The following SOS1 variants were observed in gnomAD, a reference collection of about 807,000 sequenced individuals.
SOS1 encodes son of sevenless homolog 1.
Under a neutral mutation model 157.6 loss-of-function variants are expected in SOS1, and 25 were observed. The ratio of observed to expected loss-of-function variants is 0.16; its 90% CI spans 0.12 to 0.22. The LOEUF is 0.22. SOS1 is among the 10% of genes least tolerant of loss of function. The pLI is 1.00. For missense variants in SOS1, 1,237 were observed against 1,599.1 expected (o/e 0.77, Z 3.86); for synonymous variants, 528 against 534.0 (o/e 0.99, Z 0.16).
intron 1 of SOS1, among the ~76,000 whole-genome samples, chr2:39,081,166 C>T (rs768098752): frequency 1.9e-4 from 29 of 151,938 alleles, no homozygotes; most frequent in Non-Finnish European, 3.4e-4. Flanking sequence ...GTCTCAAAAA[C>T]AAGAACAAAA....
intron 8 of SOS1, among the ~76,000 whole-genome samples, chr2:39,033,353 G>C (rs1558479604): frequency 1.3e-5 from 2 of 151,942 alleles, no homozygotes. Flanking sequence ...TAAATCAGTA[G>C]AAATCTTAAA....
At chr2:38,989,129 G>C in intron 21 of SOS1, 141 bp downstream of exon 21, 4 of 646,796 alleles carry the variant, frequency 6.2e-6, no homozygotes, top group Non-Finnish European at 8.6e-6. Context: ...GATAGCACAA[G>C]TGAAGGCCTC....
At chr2:39,049,067 AC>A (rs774289505) in intron 6 of SOS1, among the ~76,000 whole-genome samples, 1 of 151,916 alleles carries the variant, frequency 6.6e-6, no homozygotes, top group Non-Finnish European at 1.5e-5. Flanking sequence ...ACAGACATGT[AC>A]CACCACGCCC....
At chr2:39,123,808 T>C (rs1333757002), upstream of SOS1, among the ~76,000 whole-genome samples, 1 of 152,182 alleles carries the variant, frequency 6.6e-6, no homozygotes, top group Non-Finnish European at 1.5e-5. Context: ...ATCAACGTTG[T>C]TTCCAGAAAA....
chr2:39,102,204 C>CGAAAAAA (rs1672993966), intron 1 of SOS1, among the ~76,000 whole-genome samples: 1 of 23,752 alleles, frequency 4.2e-5, no homozygotes. Context: ...GACTCTGTCT[C>CGAAAAAA]AAAAAAAAAA....
rs1668468221 is a variant in SOS1 at position 38,983,762 on chromosome 2, C to CT, written c.*2061dup. ...AAAGTCCAGGGAGATTCTGGACTGT[C>CT]TATCATGATTAGTTGTAGCGGCTCT... is the stretch of plus-strand genomic sequence containing the variant. On this transcript the variant is annotated 3_prime_UTR_variant, in exon 23 of 23. Coordinates refer to ENST00000402219, the MANE Select transcript of SOS1 (RefSeq NM_005633.4). 6.6e-6 allele frequency: 1 copy of CT among 152,130 alleles called. No individual in the cohort carries two copies. The highest frequency in any genetic ancestry group is 2.4e-5 in the African/African-American group (1 of 41,438). 9.4% of individuals were successfully genotyped at this position (152,130 alleles called of 1,614,324 possible).
rs1391465848 is a variant in SOS1 at position 39,043,429 on chromosome 2, TCA to T, written c.864+7713_864+7714del. On this transcript the variant is annotated intron_variant, in intron 6 of 22. Coordinates refer to ENST00000402219, the MANE Select transcript of SOS1 (RefSeq NM_005633.4). ...TCGTTATGTAGTTTTGATAATGTAT[TCA>T]TACAATCCTGATAAACTTGTTACCC... Among the ~76,000 whole-genome samples, 16 of 152,348 alleles carry T rather than the reference TCA, an allele frequency of 1.1e-4. No individual in the cohort carries two copies. The East Asian group carries it at 2.9e-3, about 28-fold the overall frequency.
Position 39,022,762 on chromosome 2 carries a change from C to T in SOS1, c.1666G>A (p.Val556Ile), listed in dbSNP as rs753909912. Residue 556 changes from valine to isoleucine, a missense_variant, in exon 10 of 23, where the codon GTA becomes ATA. Transcript: ENST00000402219. ...TCTTTCTCTTCCTGTAGCATTGTTACATCAAGCATCCTTTCCAGTGTACTC... is the reference window on the plus strand; with the variant it reads ...TCTTTCTCTTCCTGTAGCATTGTTATATCAAGCATCCTTTCCAGTGTACTC... ...YRSTLERMLD[V>I]TMLQEEKEEQ... 11 of 1,613,746 alleles carry T rather than the reference C, an allele frequency of 6.8e-6. No individual in the cohort carries two copies. Among genetic ancestry groups the T allele is most frequent in the South Asian group, 3.3e-5 (3 of 91,082 alleles).
chr2:39,087,549 T>C (rs1392701084), intron 1 of SOS1, among the ~76,000 whole-genome samples: 1 of 152,248 alleles, frequency 6.6e-6, no homozygotes, highest in East Asian at 1.9e-4. Context: ...CATCTGACTT[T>C]ATCTGTATGA....
In SOS1 at chr2:39,111,899, T is replaced by C. The variant is rs539309260; in HGVS notation, c.87+8437A>G. ...CACACACCACCACATCCAGATAATTTTTGTATTTTTGGTAGAAGTGAGGTT... is the reference window on the plus strand; with the variant it reads ...CACACACCACCACATCCAGATAATTCTTGTATTTTTGGTAGAAGTGAGGTT... On this transcript the variant is annotated intron_variant, in intron 1 of 22. Coordinates refer to ENST00000402219, the MANE Select transcript of SOS1 (RefSeq NM_005633.4). Among the ~76,000 whole-genome samples, 11 of 152,220 alleles carry C rather than the reference T, an allele frequency of 7.2e-5. No homozygotes were observed. In the South Asian group the frequency reaches 2.3e-3, roughly 32 times the overall value.
At chr2:39,086,969 C>T (rs1672399281) in intron 1 of SOS1, among the ~76,000 whole-genome samples, 1 of 152,104 alleles carries the variant, frequency 6.6e-6, no homozygotes, top group Admixed American at 6.5e-5. Flanking sequence ...CCCACCACCA[C>T]ATCTGGCTAA....
intron 10 of SOS1, 70 bp from the exon 11 acceptor site, chr2:39,014,916 TTTCAAAATAG>T: frequency 3.3e-6 from 3 of 901,258 alleles, no homozygotes; most frequent in Non-Finnish European, 5.5e-6. Flanking sequence ...TTATGTACAT[TTTCAAAATAG>T]ATCAAATAGT....
chr2:39,028,301 G>A (rs919053088), intron 8 of SOS1, among the ~76,000 whole-genome samples: 4 of 152,142 alleles, frequency 2.6e-5, no homozygotes, highest in African/African-American at 4.8e-5. Flanking sequence ...GGGATTAAAT[G>A]TAAGGAGCTG....
In SOS1 at chr2:38,983,762, C is replaced by T. The variant is rs1171608199; in HGVS notation, c.*2062G>A. 6.6e-6 allele frequency: 1 copy of T among 152,130 alleles called. No homozygotes were observed. Among genetic ancestry groups the T allele is most frequent in the Non-Finnish European group, 1.5e-5 (1 of 67,994 alleles). The allele number at this position is 152,130 out of a possible 1,614,324, so 9.4% of individuals were successfully genotyped here. A position where few individuals can be genotyped will look rare whatever the true frequency, so the allele number is the denominator to read the frequency against. ...AAAGTCCAGGGAGATTCTGGACTGT[C>T]TATCATGATTAGTTGTAGCGGCTCT... On this transcript the variant is annotated 3_prime_UTR_variant, in exon 23 of 23. Transcript: ENST00000402219.
At chr2:39,026,845 T>C (rs949709454) in intron 8 of SOS1, among the ~76,000 whole-genome samples, 2 of 152,182 alleles carry the variant, frequency 1.3e-5, no homozygotes, top group African/African-American at 2.4e-5. Flanking sequence ...ATACTAACAC[T>C]AACGAGAGCT....
chr2:39,054,893 C>CT, intron 4 of SOS1, 70 bp from the exon 5 acceptor site: 5 of 844,992 alleles, frequency 5.9e-6, no homozygotes, highest in South Asian at 5.8e-5. Flanking sequence ...GTGAAATGCT[C>CT]TAAGTTCTCT....
chr2:39,107,113 T>G (rs1159392315), intron 1 of SOS1, among the ~76,000 whole-genome samples: 1 of 152,152 alleles, frequency 6.6e-6, no homozygotes, highest in East Asian at 1.9e-4. Flanking sequence ...AGGGGTTTTT[T>G]GGGAACAAAT....
intron 10 of SOS1, among the ~76,000 whole-genome samples, chr2:39,018,216 G>T (rs1169559945): frequency 6.6e-6 from 1 of 151,826 alleles, no homozygotes; most frequent in African/African-American, 2.4e-5. Context: ...TCTCCTTTCT[G>T]TTTATCACTT....
intron 1 of SOS1, among the ~76,000 whole-genome samples, chr2:39,081,699 C>T (rs1049118174): frequency 2.2e-4 from 33 of 148,128 alleles, no homozygotes; most frequent in Non-Finnish European, 4.5e-4. Flanking sequence ...GCGGCGGGCG[C>T]CTGTAATCCC....
Sources: allele counts gnomAD v4.1 joint callset (sites outside exome capture counted in the v4.1 genomes callset), GRCh38; gene constraint gnomAD v4.1.1; transcripts MANE v1.5; gene names NCBI Gene and HGNC (gene_info 2026-07-23, HGNC 2026-07-21).